Variants in KLHL32 observed in about 807,000 individuals in gnomAD.
The protein encoded by KLHL32 is kelch like family member 32, also known as kelch-like protein 32.
A neutral mutation model predicts 64.8 loss-of-function variants in KLHL32; 35 were observed. The ratio of observed to expected loss-of-function variants is 0.54; its 90% CI spans 0.41 to 0.72. KLHL32 has a LOEUF of 0.72. Among genes scored for constraint, KLHL32 ranks in the 30% least tolerant of loss-of-function variants. KLHL32 has a pLI of 0.00. For missense variants in KLHL32, 589 were observed against 768.5 expected, an observed-to-expected ratio of 0.77 and a Z score of 2.76; for synonymous variants, 259 against 281.0, an observed-to-expected ratio of 0.92 and a Z score of 0.78.
At chr6:97,091,364 C>T (rs758318130) in intron 6 of KLHL32, among the ~76,000 whole-genome samples, 36 of 152,144 alleles carry the variant, frequency 2.4e-4, no homozygotes, top group Admixed American at 4.6e-4. Context: ...TGACATATGC[C>T]TCATTCATTC....
In KLHL32 at chr6:96,988,679, C is replaced by T. The variant is rs549080824; in HGVS notation, c.204+12502C>T. 9.0e-3 allele frequency among the ~76,000 whole-genome samples: 1,373 copies of T among 152,284 alleles called. 26 individuals are homozygous for T. The highest frequency in any genetic ancestry group is 0.032 in the African/African-American group (1,317 of 41,552). ...CGTATGTTTATTGCAGCACTATTCA[C>T]AATAGCAAAGACTTGGAACCAACCC... On this transcript the variant is annotated intron_variant, in intron 3 of 10. Transcript: ENST00000369261.
chr6:97,073,463 T>C lies in KLHL32; in HGVS notation c.411+8737T>C, dbSNP rs565952018. On this transcript the variant is annotated intron_variant, in intron 5 of 10. Coordinates refer to ENST00000369261, the MANE Select transcript of KLHL32 (RefSeq NM_052904.4). ...AACACAATACATGGTATTGACACTT[T>C]GTAGACAGAAAATTTTGTTGTATTG... is the stretch of plus-strand genomic sequence containing the variant. Among the ~76,000 whole-genome samples, 5 of 152,326 alleles carry C rather than the reference T, an allele frequency of 3.3e-5. No homozygotes were observed. The East Asian group carries it at 9.7e-4, about 29-fold the overall frequency.
intron 1 of KLHL32, among the ~76,000 whole-genome samples, chr6:96,946,460 C>A (rs1582433620): frequency 6.6e-6 from 1 of 152,054 alleles, no homozygotes; most frequent in African/African-American, 2.4e-5. Flanking sequence ...ACTGATATGT[C>A]CCAAGAACCT....
intron 4 of KLHL32, among the ~76,000 whole-genome samples, chr6:97,046,529 G>A (rs1381906836): frequency 6.6e-6 from 1 of 152,130 alleles, no homozygotes; most frequent in Non-Finnish European, 1.5e-5. Context: ...TGAGGGCTTA[G>A]ACTTGTTCTC....
At chr6:97,028,017 C>A (rs145429540) in intron 3 of KLHL32, among the ~76,000 whole-genome samples, 1 of 152,302 alleles carries the variant, frequency 6.6e-6, no homozygotes, top group East Asian at 1.9e-4. Flanking sequence ...ACTAATATTT[C>A]TCCAGCAAGG....
chr6:96,993,632 A>T (rs1014193961), intron 3 of KLHL32, among the ~76,000 whole-genome samples: 3 of 152,170 alleles, frequency 2.0e-5, no homozygotes, highest in Non-Finnish European at 4.4e-5. Context: ...TCCTGTCAGG[A>T]ACTATCAAAA....
the KLHL32 span, among the ~76,000 whole-genome samples, chr6:96,917,300 T>C: frequency 6.6e-6 from 1 of 152,316 alleles, no homozygotes; most frequent in East Asian, 1.9e-4. Context: ...TTGCTTTCCA[T>C]CCTCCCTGAT....
intron 6 of KLHL32, chr6:97,105,409 T>G (rs904999636): frequency 2.1e-6 from 1 of 470,664 alleles, no homozygotes; most frequent in Non-Finnish European, 4.4e-6. Flanking sequence ...GACTTGCTCC[T>G]GTGCCCTTCC....
intron 1 of KLHL32, among the ~76,000 whole-genome samples, chr6:96,934,340 G>T (rs983387295): frequency 6.6e-6 from 1 of 152,202 alleles, no homozygotes; most frequent in African/African-American, 2.4e-5. Context: ...TTTGGGAGAT[G>T]TGGTCTAGAG....
intron 1 of KLHL32, among the ~76,000 whole-genome samples, chr6:96,936,691 C>G (rs1054053173): frequency 3.3e-5 from 5 of 152,186 alleles, no homozygotes; most frequent in Admixed American, 2.0e-4. Context: ...CACACAGCAG[C>G]CAAAAATTTT....
upstream of KLHL32, among the ~76,000 whole-genome samples, chr6:96,920,016 C>T (rs1323591049): frequency 6.6e-6 from 1 of 152,156 alleles, no homozygotes; most frequent in Non-Finnish European, 1.5e-5. Flanking sequence ...GGCCAGTCCT[C>T]AGTGGAAAGG....
intron 4 of KLHL32, among the ~76,000 whole-genome samples, chr6:97,042,263 T>G (rs58797465): frequency 0.084 from 12,750 of 152,238 alleles, 1,119 homozygotes; most frequent in Admixed American, 0.22. Flanking sequence ...AAAATGAAAG[T>G]GTCTTCTCTT....
intron 5 of KLHL32, among the ~76,000 whole-genome samples, chr6:97,079,812 T>C (rs1373388601): frequency 6.6e-6 from 1 of 152,032 alleles, no homozygotes; most frequent in Non-Finnish European, 1.5e-5. Context: ...TAATTCTGAA[T>C]AGAAACTAAA....
In KLHL32 at chr6:97,114,391, T is replaced by G; in HGVS notation, c.1236T>G (p.Val412=). The G allele has an allele frequency of 6.2e-7, 1 of 1,614,242 alleles. No homozygotes were observed. Among genetic ancestry groups the G allele is most frequent in the African/African-American group, 1.3e-5 (1 of 75,068 alleles). Residue 412 remains valine (V), a synonymous_variant, in exon 7 of 11, where the codon GTT becomes GTG. Coordinates refer to ENST00000369261, the MANE Select transcript of KLHL32 (RefSeq NM_052904.4). ...AVGGRNELRQ[V]LPTVERYCPK... ...GGGGCAGAAATGAACTGCGCCAGGT[T>G]CTGCCTACAGTTGAGCGATATTGCC...
At chr6:96,918,495 C>T in the KLHL32 span, among the ~76,000 whole-genome samples, 1 of 152,148 alleles carries the variant, frequency 6.6e-6, no homozygotes, top group African/African-American at 2.4e-5. Context: ...CACATTACTA[C>T]TGTGGGGTTA....
At chr6:96,980,684 T>G (rs1280786669) in intron 3 of KLHL32, among the ~76,000 whole-genome samples, 1 of 152,300 alleles carries the variant, frequency 6.6e-6, no homozygotes, top group South Asian at 2.1e-4. Flanking sequence ...TAGAAAGACA[T>G]AGAGAAGAGT....
At chr6:96,974,788 A>C (rs990310949) in intron 2 of KLHL32, among the ~76,000 whole-genome samples, 2 of 152,268 alleles carry the variant, frequency 1.3e-5, no homozygotes, top group African/African-American at 4.8e-5. Flanking sequence ...CCACCATGCA[A>C]ACTAGGCTGG....
rs1303836251 is a variant in KLHL32, at chr6:96,943,155, C to T, written c.-66+18129C>T. 2.6e-5 allele frequency among the ~76,000 whole-genome samples: 4 copies of T among 151,972 alleles called. 1 individual carries two copies. The highest frequency in any genetic ancestry group is 6.3e-3 in the Middle Eastern group (2 of 316). ...AGACACATATGCACACACATATATA[C>T]ACATACATACACACACATGCCTATA... On this transcript the variant is annotated intron_variant, in intron 1 of 10. Coordinates refer to ENST00000369261, the MANE Select transcript of KLHL32 (RefSeq NM_052904.4).
intron 4 of KLHL32, among the ~76,000 whole-genome samples, chr6:97,052,404 C>T (rs565660971): frequency 1.3e-5 from 2 of 152,358 alleles, no homozygotes; most frequent in South Asian, 4.1e-4. Flanking sequence ...TAACAGTCTT[C>T]TCTTTGTTTT....
Sources: gnomAD v4.1 joint callset for allele counts (sites outside exome capture counted in the v4.1 genomes callset) on GRCh38, gnomAD v4.1.1 for gene constraint, MANE v1.5 for transcripts, NCBI Gene and HGNC (gene_info 2026-07-23, HGNC 2026-07-21) for gene names.